Variants in SOX5 observed in about 807,000 individuals in gnomAD.
The protein encoded by SOX5 is transcription factor SOX-5.
In SOX5, 9 loss-of-function variants were observed where a neutral mutation model predicts 92.0. That is an observed-to-expected ratio of 0.10 (90% CI 0.06 to 0.17). The LOEUF is 0.17. SOX5 is among the 10% of genes least tolerant of loss of function. The pLI, the probability that SOX5 is intolerant of heterozygous loss-of-function variation, is 1.00. For synonymous variants in SOX5, 344 were observed against 336.3 expected, an observed-to-expected ratio of 1.02 and a Z score of -0.25; for missense variants, 642 against 944.5, an observed-to-expected ratio of 0.68 and a Z score of 4.20.
chr12:23,593,687 A>AT (rs1491314539), intron 9 of SOX5, among the ~76,000 whole-genome samples: 6 of 152,268 alleles, frequency 3.9e-5, no homozygotes, highest in African/African-American at 1.2e-4. Context: ...TAAATGATAT[A>AT]ATTTTTTTTA....
chr12:24,419,426 C>T (rs1054842072), intron 1 of SOX5, among the ~76,000 whole-genome samples: 3 of 152,128 alleles, frequency 2.0e-5, no homozygotes, highest in South Asian at 2.1e-4. Context: ...AGGTGTGAGC[C>T]GCCATGCACA....
At chr12:24,006,910 G>A (rs951569365) in intron 4 of SOX5, among the ~76,000 whole-genome samples, 16 of 151,718 alleles carry the variant, frequency 1.1e-4, no homozygotes, top group African/African-American at 1.7e-4. Context: ...AAGGCGGGAG[G>A]ATCACCTGAG....
intron 4 of SOX5, among the ~76,000 whole-genome samples, chr12:24,004,842 CA>C (rs889484880): frequency 1.3e-5 from 2 of 150,798 alleles, no homozygotes; most frequent in African/African-American, 2.4e-5. Context: ...CACAATAGAC[CA>C]AAAAAAATTG....
chr12:23,584,742 TGTG>T lies in SOX5; in HGVS notation c.1165-8907_1165-8905del. 5.0e-6 allele frequency: 3 copies of T among 599,648 alleles called. No individual in the cohort carries two copies. In the Admixed American group the frequency reaches 8.5e-5, roughly 17 times the overall value. 37.1% of individuals were successfully genotyped at this position (599,648 alleles called of 1,614,324 possible). A position where few individuals can be genotyped will look rare whatever the true frequency, so the allele number is the denominator to read the frequency against. ...AAGGACAGGTGTGAGTGTGTGTGTG[TGTG>T]TGTATGTGTGTGTGTTTAATGGATT... On this transcript the variant is annotated intron_variant, in intron 9 of 14. Transcript: ENST00000451604.
intron 3 of SOX5, among the ~76,000 whole-genome samples, chr12:23,785,881 AT>A (rs895694823): frequency 4.0e-5 from 6 of 151,844 alleles, no homozygotes; most frequent in African/African-American, 1.5e-4. Context: ...GTTTTTTTAG[AT>A]TTTTTTCATG....
intron 13 of SOX5, among the ~76,000 whole-genome samples, chr12:23,539,605 TAAAAAAA>T (rs35395976): frequency 7.1e-6 from 1 of 141,116 alleles, no homozygotes; most frequent in Non-Finnish European, 1.5e-5. Flanking sequence ...TGGTCTGGCT[TAAAAAAA>T]AAAAAAAAGA....
At chr12:23,946,114 T>C (rs1323406187) in intron 1 of SOX5, among the ~76,000 whole-genome samples, 2 of 152,142 alleles carry the variant, frequency 1.3e-5, no homozygotes, top group Admixed American at 1.3e-4. Flanking sequence ...AAATGTGAAG[T>C]AAATAAGTTA....
At position 24,132,491 on chromosome 12, in the gene SOX5, C is replaced by T. The variant is rs374916332; in HGVS notation, c.-2+80852G>A. ...AGTTATTACAGGACTAAATGTCCAT[C>T]GATGTTCATGTAAAGTGGGAAAACA... On this transcript the variant is annotated intron_variant, in intron 4 of 4. Transcript: ENST00000446891. Among the ~76,000 whole-genome samples, 5 of 152,002 alleles carry T rather than the reference C, an allele frequency of 3.3e-5. No homozygotes were observed. In the South Asian group the frequency reaches 6.2e-4, roughly 19 times the overall value.
At chr12:23,706,942 T>C (rs2091464049) in intron 6 of SOX5, among the ~76,000 whole-genome samples, 1 of 152,106 alleles carries the variant, frequency 6.6e-6, no homozygotes, top group Non-Finnish European at 1.5e-5. Flanking sequence ...ACAACTAATA[T>C]GTTTATAAAC....
At chr12:24,062,318 C>G (rs566418204) in intron 4 of SOX5, among the ~76,000 whole-genome samples, 1 of 152,284 alleles carries the variant, frequency 6.6e-6, no homozygotes, top group East Asian at 1.9e-4. Context: ...TCTAACTTCT[C>G]TTTCTGGTTT....
chr12:24,387,429 G>C (rs116815423), intron 1 of SOX5, among the ~76,000 whole-genome samples: 1 of 152,032 alleles, frequency 6.6e-6, no homozygotes, highest in African/African-American at 2.4e-5. Context: ...ACAATTCTTC[G>C]TTTTCCAGTA....
intron 12 of SOX5, among the ~76,000 whole-genome samples, chr12:23,545,409 T>A (rs1485236029): frequency 6.6e-6 from 1 of 152,192 alleles, no homozygotes; most frequent in Non-Finnish European, 1.5e-5. Context: ...TCTTTTTCCC[T>A]CTTTGCTACG....
intron 1 of SOX5, among the ~76,000 whole-genome samples, chr12:24,382,659 G>A (rs1182314460): frequency 6.6e-6 from 1 of 152,174 alleles, no homozygotes; most frequent in Non-Finnish European, 1.5e-5. Flanking sequence ...GAGAAGTCCA[G>A]TTAGGAGCCT....
chr12:23,592,858 C>T (rs971725493), intron 9 of SOX5, among the ~76,000 whole-genome samples: 4 of 152,110 alleles, frequency 2.6e-5, no homozygotes, highest in Non-Finnish European at 4.4e-5. Flanking sequence ...GCGTGTGGAT[C>T]ACCTGAGGTC....
intron 3 of SOX5, among the ~76,000 whole-genome samples, chr12:24,236,202 A>G (rs1964476565): frequency 6.6e-6 from 1 of 152,060 alleles, no homozygotes; most frequent in African/African-American, 2.4e-5. Flanking sequence ...AGTCTCAAAA[A>G]TAAATAAATA....
chr12:24,121,527 GA>G (rs1948612857), intron 4 of SOX5, among the ~76,000 whole-genome samples: 1 of 151,326 alleles, frequency 6.6e-6, no homozygotes, highest in South Asian at 2.1e-4. Flanking sequence ...AGTTTATGGG[GA>G]CAATGACCCA....
intron 2 of SOX5, among the ~76,000 whole-genome samples, chr12:23,856,946 A>G (rs1007852284): frequency 1.3e-5 from 2 of 152,104 alleles, no homozygotes; most frequent in African/African-American, 4.8e-5. Flanking sequence ...TCACACACAC[A>G]CTATGCCTTG....
chr12:24,401,213 C>T (rs1961473954), intron 1 of SOX5, among the ~76,000 whole-genome samples: 1 of 151,890 alleles, frequency 6.6e-6, no homozygotes, highest in Admixed American at 6.6e-5. Context: ...TTAGCCGGTC[C>T]TGGTGGCGTG....
intron 2 of SOX5, among the ~76,000 whole-genome samples, chr12:24,318,351 C>T (rs1020856729): frequency 1.3e-5 from 2 of 152,172 alleles, no homozygotes; most frequent in Admixed American, 1.3e-4. Context: ...CATGCCTTTC[C>T]TGTCCTCTTA....
Sources: allele counts gnomAD v4.1 joint callset (sites outside exome capture counted in the v4.1 genomes callset), GRCh38; gene constraint gnomAD v4.1.1; transcripts MANE v1.5; gene names NCBI Gene and HGNC (gene_info 2026-07-23, HGNC 2026-07-21).